Variants in PARD3 observed in about 807,000 individuals in gnomAD.
PARD3 encodes par-3 family cell polarity regulator.
In PARD3, 75 loss-of-function variants were observed where a neutral mutation model predicts 155.4. That is an observed-to-expected ratio of 0.48 (90% confidence interval 0.40 to 0.58). The LOEUF (loss-of-function observed/expected upper bound fraction) is 0.58, where lower values mean the gene tolerates loss of function less well. Ranked by LOEUF, PARD3 falls within the 20% of genes least tolerant of loss-of-function variation. The pLI is 0.00. For missense variants in PARD3, 1,642 were observed against 1,721.7 expected (o/e 0.95, Z 0.82); for synonymous variants, 576 against 610.5 (o/e 0.94, Z 0.83).
At chr10:34,341,183 G>T in intron 16 of PARD3, among the ~76,000 whole-genome samples, 1 of 117,338 alleles carries the variant, frequency 8.5e-6, no homozygotes, top group African/African-American at 3.2e-5. Flanking sequence ...ATAGCACTCT[G>T]AAAAAAAAAA....
At chr10:34,352,398 C>T (rs539110832) in intron 14 of PARD3, among the ~76,000 whole-genome samples, 2 of 152,162 alleles carry the variant, frequency 1.3e-5, no homozygotes, top group South Asian at 2.1e-4. Flanking sequence ...GATGCCGAGC[C>T]GAGGCTGGAC....
chr10:34,746,981 C>T (rs1041724657), intron 1 of PARD3, among the ~76,000 whole-genome samples: 10 of 152,150 alleles, frequency 6.6e-5, no homozygotes, highest in South Asian at 4.2e-4. Context: ...CCCTTCCCTG[C>T]GGGGATTAGA....
chr10:34,366,611 A>G (rs1839991907), intron 12 of PARD3, among the ~76,000 whole-genome samples: 2 of 152,198 alleles, frequency 1.3e-5, no homozygotes, highest in South Asian at 4.1e-4. Flanking sequence ...TTTCATAGAC[A>G]TTAAAGAGAG....
chr10:34,363,013 T>C (rs1374701276), intron 12 of PARD3, among the ~76,000 whole-genome samples: 2 of 152,182 alleles, frequency 1.3e-5, no homozygotes, highest in African/African-American at 4.8e-5. Context: ...TTTGAAAAAA[T>C]GGAAAACAAG....
chr10:34,700,919 G>C (rs1445949268), intron 1 of PARD3, among the ~76,000 whole-genome samples: 1 of 152,106 alleles, frequency 6.6e-6, no homozygotes, highest in East Asian at 1.9e-4. Context: ...AGGTTGCAGT[G>C]AGCTGAGATC....
intron 2 of PARD3, among the ~76,000 whole-genome samples, chr10:34,684,751 T>A (rs1470417076): frequency 6.6e-6 from 1 of 151,048 alleles, no homozygotes; most frequent in Non-Finnish European, 1.5e-5. Context: ...CAGTTACATG[T>A]CTATAAGACT....
chr10:34,669,373 G>A (rs575578277), intron 2 of PARD3, among the ~76,000 whole-genome samples: 4 of 152,260 alleles, frequency 2.6e-5, no homozygotes, highest in South Asian at 2.1e-4. Flanking sequence ...AATACCACAC[G>A]TTCTCACTTA....
rs570552962 is a variant in PARD3, at chr10:34,269,862, C to A, written c.3214G>T (p.Ala1072Ser). The change falls in exon 22 of 25, where the codon GCT becomes TCT. Residue 1072 changes from alanine to serine, a missense_variant. Physicochemically the swap from Ala to Ser is moderately conservative, Grantham distance 99. Coordinates refer to ENST00000374788, the MANE Select transcript of PARD3 (RefSeq NM_001184785.2). ...AKTREFRERQ[A>S]RERDYAEIQD... ...ATTTCAGCATAGTCACGCTCTCGAG[C>A]TTGTCGTTCCCTAAATTCTCGAGTT... 3.1e-6 allele frequency: 5 copies of A among 1,613,792 alleles called. No homozygotes were observed. Among genetic ancestry groups the A allele is most frequent in the Non-Finnish European group, 4.2e-6 (5 of 1,179,856 alleles).
intron 2 of PARD3, among the ~76,000 whole-genome samples, chr10:34,645,892 T>A (rs927223277): frequency 1.3e-5 from 2 of 152,240 alleles, no homozygotes; most frequent in Non-Finnish European, 2.9e-5. Flanking sequence ...GATACCATTT[T>A]ACTACTAAGA....
chr10:34,502,684 T>C (rs1004788330), intron 3 of PARD3, among the ~76,000 whole-genome samples: 1 of 152,142 alleles, frequency 6.6e-6, no homozygotes, highest in Non-Finnish European at 1.5e-5. Context: ...TGACTACCTA[T>C]AGTCCCAGCT....
At chr10:34,382,472 C>T in intron 9 of PARD3, 68 bp downstream of exon 9, 1 of 1,504,294 alleles carries the variant, frequency 6.6e-7, no homozygotes. Flanking sequence ...AAATAAATTC[C>T]ATTTCTACCC....
intron 3 of PARD3, among the ~76,000 whole-genome samples, chr10:34,502,557 T>TATAGCAAG (rs2080786920): frequency 6.6e-6 from 1 of 152,158 alleles, no homozygotes; most frequent in Non-Finnish European, 1.5e-5. Flanking sequence ...AGACTAGTAC[T>TATAGCAAG]AATTGTGTGT....
intron 2 of PARD3, among the ~76,000 whole-genome samples, chr10:34,526,249 T>G (rs2082474446): frequency 6.6e-6 from 1 of 151,990 alleles, no homozygotes; most frequent in East Asian, 1.9e-4. Flanking sequence ...AATCACAATG[T>G]TAAACGTTAG....
intron 7 of PARD3, among the ~76,000 whole-genome samples, chr10:34,391,325 A>G (rs527318436): frequency 1.3e-5 from 2 of 152,330 alleles, no homozygotes; most frequent in East Asian, 3.9e-4. Flanking sequence ...AAGGAGGAAA[A>G]AAGCTAGAAT....
chr10:34,184,296 G>C (rs190337946), intron 22 of PARD3, among the ~76,000 whole-genome samples: 1 of 152,266 alleles, frequency 6.6e-6, no homozygotes, highest in Non-Finnish European at 1.5e-5. Context: ...CACACAGTCT[G>C]ATCAACATTC....
At chr10:34,749,961 G>A (rs1011140648) in intron 1 of PARD3, among the ~76,000 whole-genome samples, 2 of 151,760 alleles carry the variant, frequency 1.3e-5, no homozygotes, top group African/African-American at 4.8e-5. Context: ...GGCGAAGGCT[G>A]CAATGAGCCA....
chr10:34,525,404 C>T (rs1175343285), intron 2 of PARD3, among the ~76,000 whole-genome samples: 1 of 152,222 alleles, frequency 6.6e-6, no homozygotes, highest in African/African-American at 2.4e-5. Context: ...TAGACTTTCT[C>T]GTACACAGTA....
At chr10:34,242,410 G>T (rs61840220) in intron 22 of PARD3, among the ~76,000 whole-genome samples, 10,256 of 152,090 alleles carry the variant, frequency 0.067, 471 homozygotes, top group Non-Finnish European at 0.095. Context: ...ATCCGTAAAA[G>T]GAAAGACGAT....
intron 1 of PARD3, among the ~76,000 whole-genome samples, chr10:34,788,695 C>T (rs1375958099): frequency 1.3e-5 from 2 of 152,146 alleles, no homozygotes; most frequent in East Asian, 1.9e-4. Flanking sequence ...TGGTTCTTTA[C>T]ATATGTATCT....
Sources: gnomAD v4.1 joint callset for allele counts (sites outside exome capture counted in the v4.1 genomes callset) on GRCh38, gnomAD v4.1.1 for gene constraint, MANE v1.5 for transcripts, NCBI Gene and HGNC (gene_info 2026-07-23, HGNC 2026-07-21) for gene names.